HS6ST2: variants seen among roughly 807,000 people sequenced by gnomAD.
The protein encoded by HS6ST2 is heparan-sulfate 6-O-sulfotransferase 2.
A neutral mutation model predicts 33.0 loss-of-function variants in HS6ST2; 17 were observed. The ratio of observed to expected loss-of-function variants is 0.52; its 90% CI spans 0.35 to 0.77. The LOEUF (loss-of-function observed/expected upper bound fraction) is 0.77. HS6ST2 is among the 30% of genes least tolerant of loss of function. The pLI is 0.01. For synonymous variants in HS6ST2, 248 were observed against 237.1 expected (o/e 1.05, Z -0.42); for missense variants, 519 against 551.7 (o/e 0.94, Z 0.59).
At chrX:132,795,340 C>A (rs2065166145) in intron 2 of HS6ST2, among the ~76,000 whole-genome samples, 1 of 111,620 alleles carries the variant, frequency 9.0e-6, no homozygotes, top group South Asian at 3.8e-4. Flanking sequence ...GTGAGTATTT[C>A]AAAGCCACCC....
At chrX:132,671,708 AT>A (rs1300986477) in intron 3 of HS6ST2, among the ~76,000 whole-genome samples, 1 of 110,335 alleles carries the variant, frequency 9.1e-6, no homozygotes, top group Non-Finnish European at 1.9e-5. Context: ...CTACTGCCAA[AT>A]CCCCCAAGTA....
intron 2 of HS6ST2, among the ~76,000 whole-genome samples, chrX:132,804,926 C>T (rs1387462431): frequency 8.9e-6 from 1 of 111,790 alleles, no homozygotes; most frequent in African/African-American, 3.3e-5. Context: ...GATTTATACC[C>T]TGTATAATAT....
At chrX:132,784,480 T>C (rs2065043699) in intron 2 of HS6ST2, among the ~76,000 whole-genome samples, 1 of 111,097 alleles carries the variant, frequency 9.0e-6, no homozygotes, top group South Asian at 3.8e-4. Context: ...TGGCTAGTTT[T>C]TGTATTTTTA....
At chrX:132,843,435 T>C (rs778729637) in intron 2 of HS6ST2, among the ~76,000 whole-genome samples, 1 of 111,650 alleles carries the variant, frequency 9.0e-6, no homozygotes, top group East Asian at 2.8e-4. Context: ...TTTAAATTCA[T>C]AAAGGGAAAC....
Position 132,626,690 on chromosome X carries a change from C to A in HS6ST2, c.*1533G>T, listed in dbSNP as rs2063482281. On this transcript the variant is annotated 3_prime_UTR_variant, in exon 5 of 5. Transcript: ENST00000370833. Reference sequence around the variant, plus strand: ...AAAACATAAATGCCACTTTCAGTCACCTTGTTTGATTTACAGCCAGGAGGT... The same window carrying A: ...AAAACATAAATGCCACTTTCAGTCAACTTGTTTGATTTACAGCCAGGAGGT... The A allele has an allele frequency of 8.9e-6, 1 of 112,125 alleles. No homozygotes were observed. Among genetic ancestry groups the A allele is most frequent in the African/African-American group, 3.2e-5 (1 of 30,868 alleles). 9.2% of individuals were successfully genotyped at this position (112,125 alleles called of 1,213,427 possible).
chrX:132,930,454 T>C (rs1388618692), intron 2 of HS6ST2, among the ~76,000 whole-genome samples: 1 of 111,530 alleles, frequency 9.0e-6, no homozygotes, highest in Non-Finnish European at 1.9e-5. Context: ...CATGAGCTAC[T>C]GCGCCCAGCC....
chrX:132,894,472 TA>T (rs1396191725), intron 2 of HS6ST2, among the ~76,000 whole-genome samples: 6 of 25,271 alleles, frequency 2.4e-4, no homozygotes, highest in African/African-American at 1.6e-3. Context: ...TTCCTATTGT[TA>T]TGTTATGTTA....
chrX:132,755,776 A>G (rs1407851294), intron 2 of HS6ST2, among the ~76,000 whole-genome samples: 1 of 112,084 alleles, frequency 8.9e-6, no homozygotes. Flanking sequence ...GATCGCGCCT[A>G]TGAATAGACA....
intron 2 of HS6ST2, among the ~76,000 whole-genome samples, chrX:132,833,128 T>A (rs968400420): frequency 1.8e-5 from 2 of 112,119 alleles, no homozygotes; most frequent in Admixed American, 1.9e-4. Context: ...ATTACCATGT[T>A]TTCATTTTTT....
Position 132,957,262 on chromosome X carries a change from C to A in HS6ST2, c.493G>T (p.Ala165Ser). Residue 165 changes from alanine (A) to serine (S), a missense_variant, in exon 2 of 5, where the codon GCC becomes TCC. By Grantham distance (99) the Ala-to-Ser change is moderately conservative. Transcript: ENST00000370833. ...LLALVMLFLF[A>S]VIVLQYVCPG... ...CACACGTATTGGAGGACGATCACGG[C>A]AAATAGGAAGAGCATCACCAAAGCT... 1 of 1,189,403 alleles carries A rather than the reference C, an allele frequency of 8.4e-7. No individual in the cohort carries two copies. The highest frequency in any genetic ancestry group is 2.3e-5 in the Admixed American group (1 of 43,869).
intron 2 of HS6ST2, among the ~76,000 whole-genome samples, chrX:132,788,627 T>C (rs781192991): frequency 6.2e-4 from 70 of 112,777 alleles, no homozygotes; most frequent in African/African-American, 2.0e-3. Context: ...AAAGCCAAGA[T>C]AGTCTGAAAA....
chrX:132,744,785 T>TTCCA (rs1463355587), intron 2 of HS6ST2, among the ~76,000 whole-genome samples: 2 of 111,640 alleles, frequency 1.8e-5, no homozygotes, highest in African/African-American at 3.3e-5. Flanking sequence ...AAAGATCTGT[T>TTCCA]TCCACCATGT....
intron 2 of HS6ST2, among the ~76,000 whole-genome samples, chrX:132,806,139 A>G (rs2065279769): frequency 9.1e-6 from 1 of 110,414 alleles, no homozygotes; most frequent in Admixed American, 9.6e-5. Context: ...AATTCAATTC[A>G]TCTTACAAGG....
chrX:132,723,747 C>T (rs1287321988), intron 2 of HS6ST2, among the ~76,000 whole-genome samples: 1 of 112,004 alleles, frequency 8.9e-6, no homozygotes, highest in Admixed American at 9.5e-5. Context: ...AGTCTTTCCC[C>T]TAAGATCTGG....
At chrX:132,914,451 A>G (rs2066565214) in intron 2 of HS6ST2, among the ~76,000 whole-genome samples, 2 of 112,690 alleles carry the variant, frequency 1.8e-5, no homozygotes, top group African/African-American at 6.4e-5. Flanking sequence ...ATCATAGCCT[A>G]CAGCATTTAA....
intron 2 of HS6ST2, among the ~76,000 whole-genome samples, chrX:132,894,468 T>TTGTTATGTTATGTTATGTTA (rs61054237): frequency 1.2e-4 from 11 of 91,787 alleles, no homozygotes; most frequent in East Asian, 1.1e-3. Context: ...GAAATTCCTA[T>TTGTTATGTTATGTTATGTTA]TGTTATGTTA....
intron 2 of HS6ST2, among the ~76,000 whole-genome samples, chrX:132,725,608 C>T (rs2064384661): frequency 8.9e-6 from 1 of 111,875 alleles, no homozygotes; most frequent in African/African-American, 3.2e-5. Flanking sequence ...TTTGGAGGTT[C>T]CTCAAAAACT....
At chrX:132,942,272 G>A (rs746887370) in intron 2 of HS6ST2, among the ~76,000 whole-genome samples, 3 of 112,199 alleles carry the variant, frequency 2.7e-5, no homozygotes, top group South Asian at 3.7e-4. Flanking sequence ...TCTCAGCCAT[G>A]AGGCATCAGC....
intron 2 of HS6ST2, among the ~76,000 whole-genome samples, chrX:132,764,838 G>T (rs766171656): frequency 8.9e-6 from 1 of 111,748 alleles, no homozygotes; most frequent in Admixed American, 9.5e-5. Context: ...TGGTTTTGGG[G>T]GTGTTCTTCT....
Sources: allele counts gnomAD v4.1 joint callset (sites outside exome capture counted in the v4.1 genomes callset), GRCh38; gene constraint gnomAD v4.1.1; transcripts MANE v1.5; gene names NCBI Gene and HGNC (gene_info 2026-07-23, HGNC 2026-07-21).